The following SH3PXD2B variants were observed in gnomAD, a reference collection of about 807,000 sequenced individuals.
The protein encoded by SH3PXD2B is SH3 and PX domain-containing protein 2B.
Under a neutral mutation model 73.1 loss-of-function variants are expected in SH3PXD2B, and 37 were observed. That is an observed-to-expected ratio of 0.51 (90% CI 0.39 to 0.67). The LOEUF (loss-of-function observed/expected upper bound fraction) is 0.67, where lower values mean the gene tolerates loss of function less well. SH3PXD2B is among the 30% of genes least tolerant of loss of function. SH3PXD2B has a pLI of 0.00. For synonymous variants in SH3PXD2B, 457 were observed against 480.5 expected, an observed-to-expected ratio of 0.95 and a Z score of 0.64; for missense variants, 1,053 against 1,197.8, an observed-to-expected ratio of 0.88 and a Z score of 1.78.
At chr5:172,360,769 C>T (rs1757382978) in intron 7 of SH3PXD2B, among the ~76,000 whole-genome samples, 2 of 152,126 alleles carry the variant, frequency 1.3e-5, no homozygotes, top group African/African-American at 4.8e-5. Context: ...GAGGTGGAGG[C>T]TGCAGTGAGC....
intron 2 of SH3PXD2B, 79 bp from the exon 3 acceptor site, chr5:172,406,431 T>C (rs1758560680): frequency 3.4e-6 from 5 of 1,481,300 alleles, no homozygotes; most frequent in Non-Finnish European, 4.7e-6. Context: ...AAAGAAATTA[T>C]GTGAAATATG....
At chr5:172,383,853 T>C (rs1758000600) in intron 4 of SH3PXD2B, among the ~76,000 whole-genome samples, 1 of 116,144 alleles carries the variant, frequency 8.6e-6, no homozygotes, top group Non-Finnish European at 1.7e-5. Flanking sequence ...TCTTTCTTTC[T>C]TTTTTTTTTT....
At chr5:172,426,830 G>A (rs1165378767) in intron 1 of SH3PXD2B, among the ~76,000 whole-genome samples, 1 of 152,218 alleles carries the variant, frequency 6.6e-6, no homozygotes, top group Non-Finnish European at 1.5e-5. Context: ...GGAGAGAGGA[G>A]GGCTCAGACC....
At chr5:172,350,216 C>G in intron 10 of SH3PXD2B, 147 bp downstream of exon 10, 1 of 730,390 alleles carries the variant, frequency 1.4e-6, no homozygotes, top group Non-Finnish European at 2.2e-6. Context: ...ATAAGTTACC[C>G]GGGGTTTCTG....
intron 1 of SH3PXD2B, among the ~76,000 whole-genome samples, chr5:172,438,699 T>A (rs1759450005): frequency 6.6e-6 from 1 of 151,932 alleles, no homozygotes; most frequent in African/African-American, 2.4e-5. Context: ...AAAAACAGAA[T>A]ACCCAGGAGT....
intron 2 of SH3PXD2B, among the ~76,000 whole-genome samples, chr5:172,419,946 G>C (rs1416549470): frequency 6.6e-6 from 1 of 152,166 alleles, no homozygotes; most frequent in African/African-American, 2.4e-5. Context: ...CTCACTCTTT[G>C]AAGACCTGCT....
intron 2 of SH3PXD2B, among the ~76,000 whole-genome samples, chr5:172,418,224 C>T (rs1011606582): frequency 5.3e-5 from 8 of 152,180 alleles, no homozygotes; most frequent in African/African-American, 1.9e-4. Context: ...ATAAGCTTGT[C>T]TGAAGGACTG....
At chr5:172,368,567 AAATATGTTAT>A in intron 6 of SH3PXD2B, among the ~76,000 whole-genome samples, 1 of 12,592 alleles carries the variant, frequency 7.9e-5, no homozygotes, top group Non-Finnish European at 1.1e-4. Flanking sequence ...TATATATATA[AAATATGTTAT>A]ATATATATAT....
chr5:172,368,686 T>TTA (rs1554137079), intron 6 of SH3PXD2B, among the ~76,000 whole-genome samples: 488 of 24,742 alleles, frequency 0.02, 84 homozygotes, highest in African/African-American at 0.1. Context: ...AATATATATG[T>TTA]TATATATATA....
intron 12 of SH3PXD2B, 110 bp from the exon 13 acceptor site, chr5:172,340,026 C>T: frequency 3.9e-6 from 6 of 1,552,796 alleles, no homozygotes; most frequent in Non-Finnish European, 4.4e-6. Flanking sequence ...TCACTGTGTA[C>T]TCAGCAGCTC....
At chr5:172,402,805 T>C (rs375262762) in intron 3 of SH3PXD2B, among the ~76,000 whole-genome samples, 25 of 152,216 alleles carry the variant, frequency 1.6e-4, no homozygotes, top group African/African-American at 4.8e-4. Flanking sequence ...CCTTAGTAGG[T>C]GCTTGCAAAG....
Position 172,454,256 on chromosome 5 carries a change from G to T in SH3PXD2B, c.75+22C>A, listed in dbSNP as rs776407500. The T allele has an allele frequency of 1.9e-5, 30 of 1,588,670 alleles. 1 individual carries two copies. The South Asian group carries it at 3.2e-4, about 17-fold the overall frequency. On this transcript the variant is annotated intron_variant, in intron 1 of 12. Transcript: ENST00000311601. ...CGACGGGGCGCGGGCTCAAGGGGGC[G>T]TGGGGGCCGCGCCGCACTCACATAA...
chr5:172,446,349 T>G (rs1759659641), intron 1 of SH3PXD2B, among the ~76,000 whole-genome samples: 1 of 152,126 alleles, frequency 6.6e-6, no homozygotes, highest in African/African-American at 2.4e-5. Context: ...CACTTGTGGG[T>G]GCTCACAACT....
intron 10 of SH3PXD2B, among the ~76,000 whole-genome samples, chr5:172,348,626 GTATCTATCTATGTATCTATCTATCTATCC>G (rs1173416856): frequency 1.1e-5 from 1 of 92,552 alleles, no homozygotes. Context: ...ATCTATCTAT[GTATCTATCTATGTATCTATCTATCTATCC>G]TATCTATCTA....
At chr5:172,448,105 C>T (rs1759714226) in intron 1 of SH3PXD2B, among the ~76,000 whole-genome samples, 1 of 152,234 alleles carries the variant, frequency 6.6e-6, no homozygotes, top group Non-Finnish European at 1.5e-5. Flanking sequence ...GACACAGACA[C>T]AGTAGAGGAC....
chr5:172,443,864 C>T (rs980351923), intron 1 of SH3PXD2B, among the ~76,000 whole-genome samples: 2 of 152,242 alleles, frequency 1.3e-5, no homozygotes, highest in Non-Finnish European at 2.9e-5. Flanking sequence ...CCATTCAGGA[C>T]GGAGGTCGGG....
At chr5:172,347,845 C>T (rs780250589) in intron 10 of SH3PXD2B, among the ~76,000 whole-genome samples, 3 of 152,166 alleles carry the variant, frequency 2.0e-5, no homozygotes, top group Non-Finnish European at 4.4e-5. Context: ...GTTTTGTGCT[C>T]TAGAACAACC....
chr5:172,369,346 T>C (rs1415387051), intron 6 of SH3PXD2B, among the ~76,000 whole-genome samples: 1 of 152,166 alleles, frequency 6.6e-6, no homozygotes, highest in Non-Finnish European at 1.5e-5. Context: ...ATAGAGACTG[T>C]ATGTGGCCTA....
chr5:172,443,501 G>A (rs1308432039), intron 1 of SH3PXD2B, among the ~76,000 whole-genome samples: 1 of 152,234 alleles, frequency 6.6e-6, no homozygotes, highest in Non-Finnish European at 1.5e-5. Context: ...TGTCCCAGCA[G>A]GAACGGGTAC....
Sources: allele counts gnomAD v4.1 joint callset (sites outside exome capture counted in the v4.1 genomes callset), GRCh38; gene constraint gnomAD v4.1.1; transcripts MANE v1.5; gene names NCBI Gene and HGNC (gene_info 2026-07-23, HGNC 2026-07-21).